The following PPT1 variants were observed in gnomAD, a reference collection of about 807,000 sequenced individuals.
PPT1 encodes palmitoyl-protein thioesterase 1, also known as ceroid-palmitoyl-palmitoyl-protein thioesterase 1.
A neutral mutation model predicts 44.0 loss-of-function variants in PPT1; 24 were observed. That is an observed-to-expected ratio of 0.54 (90% CI 0.39 to 0.77). The LOEUF (loss-of-function observed/expected upper bound fraction) is 0.77. PPT1 is among the 30% of genes least tolerant of loss of function. The pLI is 0.00. For missense variants in PPT1, 341 were observed against 378.8 expected (o/e 0.90, Z 0.83); for synonymous variants, 148 against 140.2 (o/e 1.06, Z -0.39).
intron 2 of PPT1, 57 bp downstream of exon 2, chr1:40,092,341 T>C (rs1649611498): frequency 5.9e-6 from 9 of 1,520,926 alleles, no homozygotes; most frequent in Non-Finnish European, 8.2e-6. Flanking sequence ...ATTTTAACAG[T>C]ATATGCTATG....
At chr1:40,077,006 C>T in intron 7 of PPT1, 93 bp from the exon 8 acceptor site, 2 of 1,412,356 alleles carry the variant, frequency 1.4e-6, no homozygotes, top group Non-Finnish European at 2.0e-6. Flanking sequence ...AAACTGCCAA[C>T]AAAGTGAACA....
Position 40,074,026 on chromosome 1 carries a change from G to A in PPT1, c.*35C>T. 6.2e-7 allele frequency: 1 copy of A among 1,613,536 alleles called. No individual in the cohort carries two copies. Among genetic ancestry groups the A allele is most frequent in the South Asian group, 1.1e-5 (1 of 91,042 alleles). ...CTCCCATGTGGTTTGGAAGAGTTAG[G>A]GGCTCCCTGAGCTCTATTGTGAACT... is the stretch of plus-strand genomic sequence containing the variant. On this transcript the variant is annotated 3_prime_UTR_variant, in exon 9 of 9. Transcript: ENST00000642050.
At chr1:40,095,424 C>T (rs1257808817) in intron 1 of PPT1, among the ~76,000 whole-genome samples, 2 of 152,118 alleles carry the variant, frequency 1.3e-5, no homozygotes, top group Admixed American at 6.6e-5. Flanking sequence ...ATCTCCAACC[C>T]GTATCTCTGT....
At chr1:40,089,708 A>AC in intron 4 of PPT1, 196 bp from the exon 5 acceptor site, 1 of 658,862 alleles carries the variant, frequency 1.5e-6, no homozygotes, top group South Asian at 1.5e-5. Flanking sequence ...TTTCCTGCCT[A>AC]AGGATCTTTT....
chr1:40,076,930 G>A lies in PPT1; in HGVS notation c.727-17C>T, dbSNP rs2124470410. 2 of 1,614,006 alleles carry A rather than the reference G, an allele frequency of 1.2e-6. No homozygotes were observed. Among genetic ancestry groups the A allele is most frequent in the Non-Finnish European group, 1.7e-6 (2 of 1,179,914 alleles). On this transcript the variant is annotated splice_polypyrimidine_tract_variant and intron_variant, in intron 7 of 8. Coordinates refer to ENST00000642050, the MANE Select transcript of PPT1 (RefSeq NM_000310.4). ...TCCAAACCACTGCAGAAGAAGCAAA[G>A]GAAAGAAGCTCAGATATGACACACA...
chr1:40,078,802 C>G (rs911014981), intron 6 of PPT1, 144 bp from the exon 7 acceptor site: 5 of 723,998 alleles, frequency 6.9e-6, no homozygotes, highest in Non-Finnish European at 1.3e-5. Flanking sequence ...GCTTCCTGAC[C>G]AGGATATACC....
chr1:40,080,327 CT>C, intron 6 of PPT1, 69 bp downstream of exon 6: 1 of 1,474,172 alleles, frequency 6.8e-7, no homozygotes, highest in Non-Finnish European at 9.5e-7. Flanking sequence ...ACAGTCACTG[CT>C]GATTTGTTTA....
intron 1 of PPT1, among the ~76,000 whole-genome samples, chr1:40,095,692 T>C (rs1312419222): frequency 6.6e-6 from 1 of 152,106 alleles, no homozygotes; most frequent in African/African-American, 2.4e-5. Flanking sequence ...TCAAAATCTA[T>C]CCAAACTTTG....
chr1:40,076,640 G>T (rs1259556782), intron 8 of PPT1: 1 of 1,397,498 alleles, frequency 7.2e-7, no homozygotes, highest in Admixed American at 2.9e-5. Context: ...GTGGATTTTT[G>T]TAACCCAGTG....
At chr1:40,086,800 A>G (rs1649287243) in intron 5 of PPT1, among the ~76,000 whole-genome samples, 1 of 151,650 alleles carries the variant, frequency 6.6e-6, no homozygotes. Flanking sequence ...ACAGAGAGAG[A>G]AGCAACAATG....
chr1:40,094,369 C>T (rs1649732968), intron 1 of PPT1, among the ~76,000 whole-genome samples: 1 of 152,164 alleles, frequency 6.6e-6, no homozygotes, highest in African/African-American at 2.4e-5. Context: ...AATCTAATGC[C>T]ACTGCTGATC....
chr1:40,091,362 T>A lies in PPT1; in HGVS notation c.400A>T (p.Ile134Phe). The change falls in exon 4 of 9, where the codon ATC becomes TTC. Residue 134 changes from isoleucine to phenylalanine, a missense_variant. Coordinates refer to ENST00000642050, the MANE Select transcript of PPT1 (RefSeq NM_000310.4). Reference protein sequence around the residue: ...VAQRCPSPPMINLISVGGQHQ... With the variant: ...VAQRCPSPPMFNLISVGGQHQ... Reference sequence around the variant, plus strand: ...TGTCCCCCAACCGAGATCAGATTGATCATGGGAGGTGAAGGGCATCTCTGA... The same window carrying A: ...TGTCCCCCAACCGAGATCAGATTGAACATGGGAGGTGAAGGGCATCTCTGA... The A allele has an allele frequency of 6.2e-7, 1 of 1,613,986 alleles. No individual in the cohort carries two copies. Among genetic ancestry groups the A allele is most frequent in the Non-Finnish European group, 8.5e-7 (1 of 1,179,974 alleles).
chr1:40,087,205 G>A (rs1431938041), intron 5 of PPT1, among the ~76,000 whole-genome samples: 1 of 151,974 alleles, frequency 6.6e-6, no homozygotes, highest in Non-Finnish European at 1.5e-5. Flanking sequence ...AGGAGGAAGT[G>A]AAGATAAACA....
rs750997143 is a variant in PPT1 at position 40,091,320 on chromosome 1, CAA to C, written c.433+7_433+8del. 14 of 1,612,764 alleles carry C rather than the reference CAA, an allele frequency of 8.7e-6. No individual in the cohort carries two copies. The highest frequency in any genetic ancestry group is 1.1e-5 in the Non-Finnish European group (13 of 1,178,974). The stretch of plus-strand genomic sequence containing the variant: ...ATACAGAAAAAAGAAAGCAAAGAGG[CAA>C]AGTTACCTTGATGTTGTCCCCCAAC... On this transcript the variant is annotated splice_region_variant and intron_variant, in intron 4 of 8. Coordinates refer to ENST00000642050, the MANE Select transcript of PPT1 (RefSeq NM_000310.4).
Position 40,073,803 on chromosome 1 carries a change from A to G in PPT1, c.*258T>C. On this transcript the variant is annotated 3_prime_UTR_variant, in exon 9 of 9. Transcript: ENST00000642050. The stretch of plus-strand genomic sequence containing the variant: ...TGATCTGGAACAGACTCCCTTTTCT[A>G]AAACTGAACTTGACCACATCAAAAG... The G allele has an allele frequency of 4.0e-6, 2 of 499,572 alleles. No homozygotes were observed. Among genetic ancestry groups the G allele is most frequent in the Admixed American group, 6.6e-5 (2 of 30,376 alleles). The allele number at this position is 499,572 out of a possible 1,614,324, so 30.9% of individuals were successfully genotyped here.
chr1:40,072,514 C>A (rs1364978943), downstream of PPT1: 1 of 157,614 alleles, frequency 6.3e-6, no homozygotes, highest in Non-Finnish European at 1.4e-5. Flanking sequence ...CAAACACTTA[C>A]CAAAATATGC....
chr1:40,086,566 G>A (rs551858161), intron 5 of PPT1, among the ~76,000 whole-genome samples: 1 of 152,284 alleles, frequency 6.6e-6, no homozygotes, highest in South Asian at 2.1e-4. Flanking sequence ...AGTAAGCACG[G>A]TCCCACTTCT....
At position 40,078,488 on chromosome 1, in the gene PPT1, C is replaced by T. The variant is rs565983288; in HGVS notation, c.726+72G>A. The T allele has an allele frequency of 1.9e-5, 27 of 1,451,360 alleles. No homozygotes were observed. In the African/African-American group the frequency reaches 3.5e-4, roughly 19 times the overall value. 89.9% of individuals were successfully genotyped at this position (1,451,360 alleles called of 1,614,324 possible). On this transcript the variant is annotated intron_variant, in intron 7 of 8. Coordinates refer to ENST00000642050, the MANE Select transcript of PPT1 (RefSeq NM_000310.4). The stretch of plus-strand genomic sequence containing the variant: ...GAGTGCTGGGATTACAGGCATGAGC[C>T]ACCGTGCCCGGCCAGCAGCCCTATT...
chr1:40,095,188 C>T (rs941352755), intron 1 of PPT1, among the ~76,000 whole-genome samples: 6 of 152,186 alleles, frequency 3.9e-5, no homozygotes, highest in African/African-American at 1.4e-4. Flanking sequence ...TCATGCCCTT[C>T]TTCCTGAAAC....
Sources: gnomAD v4.1 joint callset for allele counts (sites outside exome capture counted in the v4.1 genomes callset) on GRCh38, gnomAD v4.1.1 for gene constraint, MANE v1.5 for transcripts, NCBI Gene and HGNC (gene_info 2026-07-23, HGNC 2026-07-21) for gene names.